WWOX: variants seen among roughly 807,000 people sequenced by gnomAD.
WWOX encodes WW domain-containing oxidoreductase.
A neutral mutation model predicts 46.2 loss-of-function variants in WWOX; 69 were observed. That is an observed-to-expected ratio of 1.49 (90% CI 1.23 to 1.82). The LOEUF is 1.82. Among genes scored for constraint, WWOX ranks in the 40% most tolerant of loss-of-function variants. The probability of loss-of-function intolerance (pLI) is 0.00; values close to 1 mark genes in which losing one functional copy is unlikely to be tolerated. For missense variants in WWOX, 919 were observed against 542.6 expected, an observed-to-expected ratio of 1.69 and a Z score of -6.89; for synonymous variants, 359 against 202.6, an observed-to-expected ratio of 1.77 and a Z score of -6.56.
chr16:79,069,171 G>T (rs922498733), intron 8 of WWOX, among the ~76,000 whole-genome samples: 2 of 152,180 alleles, frequency 1.3e-5, no homozygotes, highest in African/African-American at 2.4e-5. Context: ...GAAGGTAAAT[G>T]CACCTGGGTA....
intron 8 of WWOX, among the ~76,000 whole-genome samples, chr16:78,850,722 T>C (rs552210906): frequency 3.9e-5 from 6 of 152,200 alleles, no homozygotes; most frequent in African/African-American, 1.4e-4. Flanking sequence ...GAACCAGGGG[T>C]GTGTGGACTC....
intron 8 of WWOX, among the ~76,000 whole-genome samples, chr16:78,807,676 G>A (rs2051078589): frequency 6.6e-6 from 1 of 152,148 alleles, no homozygotes; most frequent in Non-Finnish European, 1.5e-5. Context: ...GCCTGTAATG[G>A]GCATCAGCTG....
Position 78,342,152 on chromosome 16 carries a change from A to G in WWOX, c.517-44708A>G, listed in dbSNP as rs1159594401. ...CAAGAAGAAATACAAACTATTGAAA[A>G]AGGAAGGCTGAATGCTTTATCAGAA... On this transcript the variant is annotated intron_variant, in intron 5 of 8. Transcript: ENST00000566780. Among the ~76,000 whole-genome samples, 2 of 121,566 alleles carry G rather than the reference A, an allele frequency of 1.6e-5. 1 individual carries two copies. 79.8% of individuals were successfully genotyped at this position (121,566 alleles called of 152,430 possible). A position where few individuals can be genotyped will look rare whatever the true frequency, so the allele number is the denominator to read the frequency against.
chr16:78,910,404 G>A (rs919083360), intron 8 of WWOX, among the ~76,000 whole-genome samples: 3 of 151,904 alleles, frequency 2.0e-5, no homozygotes, highest in Non-Finnish European at 4.4e-5. Context: ...TCTGTATCAA[G>A]TCACCGTGTT....
chr16:78,577,679 T>G (rs1026230580), intron 8 of WWOX, among the ~76,000 whole-genome samples: 9 of 152,230 alleles, frequency 5.9e-5, no homozygotes, highest in Non-Finnish European at 1.3e-4. Flanking sequence ...AAAGACCTTC[T>G]GGACAATTCC....
chr16:78,892,289 AAAAT>A (rs1477544583), intron 8 of WWOX: 1 of 152,204 alleles, frequency 6.6e-6, no homozygotes, highest in Non-Finnish European at 1.5e-5. Context: ...ACCACATGCT[AAAAT>A]AAAAAAAAAT....
At chr16:78,168,097 G>C (rs1455939258) in intron 5 of WWOX, 1 of 152,138 alleles carries the variant, frequency 6.6e-6, no homozygotes, top group Non-Finnish European at 1.5e-5. Flanking sequence ...GTTTTTTGTT[G>C]CAGCAAAAGC....
At chr16:78,118,205 C>G (rs1345585495) in intron 4 of WWOX, among the ~76,000 whole-genome samples, 1 of 151,824 alleles carries the variant, frequency 6.6e-6, no homozygotes, top group Non-Finnish European at 1.5e-5. Flanking sequence ...TCTGTCTTGT[C>G]ATCATTTTCC....
chr16:78,127,015 A>G (rs894329415), intron 4 of WWOX, among the ~76,000 whole-genome samples: 48 of 152,220 alleles, frequency 3.2e-4, no homozygotes, highest in African/African-American at 1.1e-3. Flanking sequence ...CAGTTAGGGC[A>G]AGCTTCATTG....
At chr16:79,054,319 A>G (rs1354312337) in intron 8 of WWOX, among the ~76,000 whole-genome samples, 2 of 152,138 alleles carry the variant, frequency 1.3e-5, no homozygotes, top group African/African-American at 4.8e-5. Context: ...TCCCCCAGCT[A>G]TCCCGGTTTC....
rs777030874 is a variant in WWOX at position 78,432,772 on chromosome 16, C to T, written c.1056+20C>T. The T allele has an allele frequency of 1.9e-5, 31 of 1,613,960 alleles. No individual in the cohort carries two copies. In the East Asian group the frequency reaches 5.4e-4, roughly 28 times the overall value. ...TCCATGGTAAGAGAACAGCTTCTGG[C>T]GCCGCAAACACCTTGGGTCCTAGAG... is the stretch of plus-strand genomic sequence containing the variant. On this transcript the variant is annotated intron_variant, in intron 8 of 8. Transcript: ENST00000566780.
chr16:78,848,002 C>G (rs566593569), intron 8 of WWOX, among the ~76,000 whole-genome samples: 3 of 152,284 alleles, frequency 2.0e-5, no homozygotes, highest in South Asian at 4.1e-4. Flanking sequence ...GTTGCCCCAG[C>G]TGATAGCCTG....
At chr16:79,165,242 G>A (rs1270275066) in intron 8 of WWOX, among the ~76,000 whole-genome samples, 4 of 151,992 alleles carry the variant, frequency 2.6e-5, no homozygotes, top group Admixed American at 6.6e-5. Flanking sequence ...TCATGGTAAC[G>A]GCTTCCGGCA....
At chr16:79,191,208 C>G (rs557094991) in intron 8 of WWOX, among the ~76,000 whole-genome samples, 1 of 151,966 alleles carries the variant, frequency 6.6e-6, no homozygotes, top group East Asian at 1.9e-4. Context: ...CACCTGCCAC[C>G]ACACCTGGCT....
At chr16:78,117,616 A>G (rs553049846) in intron 4 of WWOX, among the ~76,000 whole-genome samples, 1 of 152,306 alleles carries the variant, frequency 6.6e-6, no homozygotes, top group Admixed American at 6.5e-5. Context: ...TCCTTGCCCA[A>G]GTAGGCTGTG....
chr16:78,830,166 G>A lies in WWOX; in HGVS notation c.1057-381442G>A, dbSNP rs181688843. Among the ~76,000 whole-genome samples the A allele has an allele frequency of 5.4e-3, 817 of 152,214 alleles. 6 individuals carry two copies. Among genetic ancestry groups the A allele is most frequent in the Non-Finnish European group, 6.5e-3 (439 of 68,016 alleles). On this transcript the variant is annotated intron_variant, in intron 8 of 8. Transcript: ENST00000566780. ...TGCAACAGCAGCAGCAAGAGCTGCC[G>A]CAATGAAAGAAGAAAGAAAAGGAGG...
intron 8 of WWOX, chr16:79,203,314 G>A (rs1220938117): frequency 1.3e-5 from 2 of 152,196 alleles, no homozygotes; most frequent in African/African-American, 4.8e-5. Flanking sequence ...GTTCCAGTGA[G>A]CTCTGTATGG....
At chr16:79,068,363 G>T (rs1462929581) in intron 8 of WWOX, among the ~76,000 whole-genome samples, 1 of 152,166 alleles carries the variant, frequency 6.6e-6, no homozygotes, top group African/African-American at 2.4e-5. Context: ...TGCAGGAGTT[G>T]TTCAGTGGTA....
chr16:78,937,448 CTTTTTTTTTT>C (rs537642648), intron 8 of WWOX, among the ~76,000 whole-genome samples: 4 of 81,988 alleles, frequency 4.9e-5, no homozygotes, highest in African/African-American at 2.1e-4. Context: ...TTTGTATTAA[CTTTTTTTTTT>C]TTTTTTTTTT....
Sources: gnomAD v4.1 joint callset for allele counts (sites outside exome capture counted in the v4.1 genomes callset) on GRCh38, gnomAD v4.1.1 for gene constraint, MANE v1.5 for transcripts, NCBI Gene and HGNC (gene_info 2026-07-23, HGNC 2026-07-21) for gene names.